The following RIMBP2 variants were observed in gnomAD, a reference collection of about 807,000 sequenced individuals.
RIMBP2 encodes RIMS binding protein 2, also known as RIMS-binding protein 2.
RIMBP2 carries 48 observed loss-of-function variants against 118.6 expected under a neutral mutation model. The ratio of observed to expected loss-of-function variants is 0.40; its 90% CI spans 0.32 to 0.51. The LOEUF (loss-of-function observed/expected upper bound fraction) is 0.51. Ranked by LOEUF, RIMBP2 falls within the 20% of genes least tolerant of loss-of-function variation. The pLI is 0.41. For synonymous variants in RIMBP2, 762 were observed against 742.9 expected, an observed-to-expected ratio of 1.03 and a Z score of -0.42; for missense variants, 1,551 against 1,768.3, an observed-to-expected ratio of 0.88 and a Z score of 2.20.
intron 20 of RIMBP2, 97 bp downstream of exon 20, chr12:130,407,629 A>C: frequency 1.1e-6 from 1 of 947,126 alleles, no homozygotes; most frequent in Middle Eastern, 2.1e-4. Context: ...GAGAGAAGGA[A>C]TGAGGAGGTG....
Position 130,424,234 on chromosome 12 carries a change from G to A in RIMBP2, c.3037C>T (p.Arg1013Trp), listed in dbSNP as rs528120453. ...GTTATGCTTTTCTTCCAGACACCCC[G>A]AAAATCTTGGTGCTCGGTGGGCTCG... ...WGEPTEHQDF[R>W]GVWKKSITMP... The change falls in exon 16 of 23, where the codon CGG becomes TGG. Residue 1013 changes from arginine (R) to tryptophan (W), a missense_variant. Physicochemically the swap from Arg to Trp is moderately radical, Grantham distance 101. This residue lies in a region of RIMBP2 where 1,038 missense variants were observed against 1,125.1 expected (regional missense o/e 0.92). Transcript: ENST00000690449. This position sits in a 1 kb window ranked among gnomAD's most constrained non-coding sequence, Gnocchi z 9.8. 2.9e-4 allele frequency: 362 copies of A among 1,231,948 alleles called. No individual in the cohort carries two copies. The African/African-American group carries it at 4.5e-3, about 15-fold the overall frequency. The allele number at this position is 1,231,948 out of a possible 1,614,324, so 76.3% of individuals were successfully genotyped here. A position where few individuals can be genotyped will look rare whatever the true frequency, so the allele number is the denominator to read the frequency against.
At chr12:130,455,686 T>A (rs2079376978) in intron 7 of RIMBP2, among the ~76,000 whole-genome samples, 1 of 152,218 alleles carries the variant, frequency 6.6e-6, no homozygotes, top group Non-Finnish European at 1.5e-5. Context: ...TATATTCTGA[T>A]AAGAACTAGG....
chr12:130,479,146 G>C, intron 4 of RIMBP2, 130 bp from the exon 5 acceptor site: 1 of 599,414 alleles, frequency 1.7e-6, no homozygotes, highest in African/African-American at 1.9e-5. Flanking sequence ...GCCCCACAGG[G>C]CACCCACCTC....
chr12:130,694,750 T>A (rs1219303046), intron 1 of RIMBP2, among the ~76,000 whole-genome samples: 1 of 152,152 alleles, frequency 6.6e-6, no homozygotes, highest in Non-Finnish European at 1.5e-5. Flanking sequence ...CAAAAGTGAT[T>A]ACAAAGATGA....
chr12:130,545,235 A>G (rs2139623039), intron 2 of RIMBP2, among the ~76,000 whole-genome samples: 2 of 152,306 alleles, frequency 1.3e-5, no homozygotes, highest in South Asian at 4.1e-4. Context: ...CATCTCGAGC[A>G]CAGGAGATGT....
At position 130,444,392 on chromosome 12, in the gene RIMBP2, C is replaced by T. The variant is rs113604553; in HGVS notation, c.691+768G>A. ...AAGCACCTGGGGCTTCCATCAGCTC[C>T]GAGAAAACAGCATGAGGTCACGAAA... On this transcript the variant is annotated intron_variant, in intron 10 of 22. Coordinates refer to ENST00000690449, the MANE Select transcript of RIMBP2 (RefSeq NM_001393629.1). 7.3e-3 allele frequency among the ~76,000 whole-genome samples: 1,116 copies of T among 152,092 alleles called. 12 individuals are homozygous for T. The highest frequency in any genetic ancestry group is 0.024 in the African/African-American group (989 of 41,470).
chr12:130,479,539 C>T (rs534392812), intron 4 of RIMBP2, among the ~76,000 whole-genome samples: 4 of 152,180 alleles, frequency 2.6e-5, no homozygotes, highest in East Asian at 2.0e-4. Flanking sequence ...CCTTGCCCAT[C>T]GGGCAGCTGG....
intron 2 of RIMBP2, among the ~76,000 whole-genome samples, chr12:130,560,015 G>T (rs578135488): frequency 1.6e-4 from 25 of 152,320 alleles, no homozygotes; most frequent in African/African-American, 5.1e-4. Flanking sequence ...GGAGCAGGGG[G>T]TGATTTGCTT....
chr12:130,452,486 G>A (rs2079082884), intron 7 of RIMBP2, among the ~76,000 whole-genome samples: 1 of 152,214 alleles, frequency 6.6e-6, no homozygotes, highest in African/African-American at 2.4e-5. Flanking sequence ...TCGGCGTGTA[G>A]CAGGTGCAAA....
rs570676223 is a variant in RIMBP2, at chr12:130,469,647, T to C, written c.153+1046A>G. 4.6e-5 allele frequency among the ~76,000 whole-genome samples: 7 copies of C among 152,302 alleles called. No homozygotes were observed. The highest frequency in any genetic ancestry group is 2.1e-4 in the South Asian group (1 of 4,824). Reference sequence around the variant, plus strand: ...TCCATTTTAATATATAGGATGATAATGATGAAACCTTTTCCTGTGGGAGGA... The same window carrying C: ...TCCATTTTAATATATAGGATGATAACGATGAAACCTTTTCCTGTGGGAGGA... On this transcript the variant is annotated intron_variant, in intron 6 of 22. Transcript: ENST00000690449. The surrounding 1 kb of genome is among the most constrained non-coding windows in gnomAD (Gnocchi z 4.8).
intron 2 of RIMBP2, among the ~76,000 whole-genome samples, chr12:130,537,661 C>A (rs964747758): frequency 5.9e-5 from 9 of 152,182 alleles, no homozygotes; most frequent in Admixed American, 1.3e-4. Flanking sequence ...TCACCTCATG[C>A]AGAATTCTCA....
chr12:130,571,190 T>TG (rs1472023602), intron 2 of RIMBP2, among the ~76,000 whole-genome samples: 2 of 106,428 alleles, frequency 1.9e-5, no homozygotes, highest in Non-Finnish European at 3.7e-5. Context: ...GGAGAAAGAC[T>TG]GGGGGGTTAC....
rs2076596273 is a variant in RIMBP2 at position 130,424,043 on chromosome 12, G to A, written c.3129+99C>T. 5.0e-6 allele frequency: 3 copies of A among 594,490 alleles called. No homozygotes were observed. The East Asian group carries it at 1.0e-4, about 21-fold the overall frequency. The allele number at this position is 594,490 out of a possible 1,614,324, so 36.8% of individuals were successfully genotyped here. On this transcript the variant is annotated intron_variant, in intron 16 of 22. Transcript: ENST00000690449. This position sits in a 1 kb window ranked among gnomAD's most constrained non-coding sequence, Gnocchi z 9.8. ...AAAACGAAAGACAGCCAGCAAGAGA[G>A]TCCCCAGGGATGGACACCAGAACAA...
Position 130,481,102 on chromosome 12 carries a change from G to A in RIMBP2, c.-3-2086C>T, listed in dbSNP as rs12321256. 9.5e-3 allele frequency among the ~76,000 whole-genome samples: 1,419 copies of A among 149,084 alleles called. 15 individuals are homozygous for A. Among genetic ancestry groups the A allele is most frequent in the African/African-American group, 0.033 (1,330 of 40,062 alleles). ...AGACTGGCAAGCTGTGAGGGCGGGG[G>A]GCACCCAGGCTCAGGGGGAGGGGTG... On this transcript the variant is annotated intron_variant, in intron 4 of 22. Coordinates refer to ENST00000690449, the MANE Select transcript of RIMBP2 (RefSeq NM_001393629.1).
At chr12:130,520,414 C>T (rs1018912920) in intron 2 of RIMBP2, among the ~76,000 whole-genome samples, 3 of 151,962 alleles carry the variant, frequency 2.0e-5, no homozygotes, top group African/African-American at 7.3e-5. Context: ...AAAGCCAGTC[C>T]AGCACTCTGG....
intron 2 of RIMBP2, among the ~76,000 whole-genome samples, chr12:130,579,848 G>A (rs143424651): frequency 7.2e-5 from 11 of 151,972 alleles, no homozygotes; most frequent in African/African-American, 2.4e-4. Flanking sequence ...CAGAGCTCGA[G>A]GGAGGCAAGG....
At chr12:130,629,867 T>TGCCAAGGAGTACA (rs1555313804) in intron 1 of RIMBP2, among the ~76,000 whole-genome samples, 1 of 150,926 alleles carries the variant, frequency 6.6e-6, no homozygotes, top group Non-Finnish European at 1.5e-5. Context: ...AGTCTTGGAG[T>TGCCAAGGAGTACA]ACCAAGGAGT....
intron 4 of RIMBP2, among the ~76,000 whole-genome samples, chr12:130,480,196 C>CAT (rs1183606386): frequency 4.5e-4 from 36 of 79,676 alleles, no homozygotes; most frequent in Non-Finnish European, 5.2e-5. Flanking sequence ...CATTTCCTTT[C>CAT]ATACACACAC....
chr12:130,658,329 C>T (rs370155755), intron 1 of RIMBP2: 1 of 152,260 alleles, frequency 6.6e-6, no homozygotes. Flanking sequence ...AAACTCCACA[C>T]AGTCAGGCCA....
Sources: allele counts gnomAD v4.1 joint callset (sites outside exome capture counted in the v4.1 genomes callset), GRCh38; gene constraint gnomAD v4.1.1; regional missense constraint gnomAD v4.1.1; non-coding constraint Gnocchi (gnomAD v3.1); transcripts MANE v1.5; gene names NCBI Gene and HGNC (gene_info 2026-07-23, HGNC 2026-07-21).